CTNNA2: variants seen among roughly 807,000 people sequenced by gnomAD.
The protein encoded by CTNNA2 is catenin alpha-2.
CTNNA2 carries 42 observed loss-of-function variants against 101.0 expected under a neutral mutation model. That is an observed-to-expected ratio of 0.42 (90% CI 0.32 to 0.54). The LOEUF is 0.54. Ranked by LOEUF, CTNNA2 falls within the 20% of genes least tolerant of loss-of-function variation. The probability of loss-of-function intolerance (pLI) is 0.14; values close to 1 mark genes in which losing one functional copy is unlikely to be tolerated. For synonymous variants in CTNNA2, 450 were observed against 456.4 expected (o/e 0.99, Z 0.18); for missense variants, 871 against 1,223.1 (o/e 0.71, Z 4.29).
intron 1 of CTNNA2, among the ~76,000 whole-genome samples, chr2:79,536,686 T>TTTTTTCTTTTCTTTTC (rs71385281): frequency 2.1e-5 from 3 of 139,926 alleles, no homozygotes; most frequent in Non-Finnish European, 4.6e-5. Flanking sequence ...ATGGATTTTT[T>TTTTTTCTTTTCTTTTC]TTTTCTTTTC....
chr2:79,982,270 TATATATA>T (rs1334016311), intron 7 of CTNNA2, among the ~76,000 whole-genome samples: 4 of 128,732 alleles, frequency 3.1e-5, no homozygotes, highest in African/African-American at 1.0e-4. Flanking sequence ...ACACATAACA[TATATATA>T]ATATATATAA....
chr2:80,574,277 G>A lies in CTNNA2; in HGVS notation c.1856G>A (p.Gly619Asp). Residue 619 changes from glycine to aspartate, a missense_variant, in exon 13 of 19, where the codon GGC becomes GAC. Physicochemically the swap from Gly to Asp is moderately conservative, Grantham distance 94. Around this residue, in one of 5 missense-constraint regions of CTNNA2, gnomAD observed 647 missense variants for 831.5 expected, o/e 0.78. Coordinates refer to ENST00000402739, the MANE Select transcript of CTNNA2 (RefSeq NM_001282597.3). Reference protein sequence around the residue: ...FIDASRLVYDGVRDIRKAVLM... With the variant: ...FIDASRLVYDDVRDIRKAVLM... ...GATGCCTCTCGCCTGGTGTATGATG[G>A]CGTTCGGGACATCAGAAAGGCTGTG... 6.2e-7 allele frequency: 1 copy of A among 1,613,340 alleles called. No homozygotes were observed. The highest frequency in any genetic ancestry group is 1.1e-5 in the South Asian group (1 of 91,042).
intron 4 of CTNNA2, among the ~76,000 whole-genome samples, chr2:79,496,118 G>A (rs1671253448): frequency 1.3e-5 from 2 of 152,174 alleles, no homozygotes; most frequent in African/African-American, 4.8e-5. Context: ...GTATTGAATT[G>A]TATACTTTAA....
At chr2:79,905,048 G>A (rs945115075) in intron 6 of CTNNA2, among the ~76,000 whole-genome samples, 5 of 152,194 alleles carry the variant, frequency 3.3e-5, no homozygotes, top group African/African-American at 9.7e-5. Flanking sequence ...CGACTTGAAG[G>A]CAGAATAGGA....
chr2:80,210,478 C>T (rs928656377), intron 7 of CTNNA2, among the ~76,000 whole-genome samples: 1 of 152,050 alleles, frequency 6.6e-6, no homozygotes, highest in African/African-American at 2.4e-5. Flanking sequence ...ATTTTCTGTC[C>T]TTGCGATAGT....
intron 7 of CTNNA2, among the ~76,000 whole-genome samples, chr2:79,950,660 A>G (rs1354397575): frequency 1.3e-5 from 2 of 152,178 alleles, no homozygotes; most frequent in East Asian, 3.9e-4. Context: ...TTGATTTTTG[A>G]GAATTTGTGG....
chr2:79,541,630 AT>A (rs34560865), intron 1 of CTNNA2, among the ~76,000 whole-genome samples: 18,916 of 142,340 alleles, frequency 0.13, 1,257 homozygotes, highest in African/African-American at 0.17. Flanking sequence ...AATCTTCATA[AT>A]TTTTTTTTTT....
chr2:80,296,740 AT>A (rs1299173630), intron 7 of CTNNA2, among the ~76,000 whole-genome samples: 1 of 152,098 alleles, frequency 6.6e-6, no homozygotes, highest in African/African-American at 2.4e-5. Context: ...TCAAATAATT[AT>A]TTGATGTGGG....
intron 4 of CTNNA2, among the ~76,000 whole-genome samples, chr2:79,388,700 T>C (rs1440521917): frequency 6.6e-6 from 1 of 152,182 alleles, no homozygotes; most frequent in African/African-American, 2.4e-5. Flanking sequence ...ATGCAGTTAC[T>C]GACAACTACT....
intron 7 of CTNNA2, among the ~76,000 whole-genome samples, chr2:80,211,639 G>A (rs2149036363): frequency 6.6e-6 from 1 of 152,322 alleles, no homozygotes; most frequent in Non-Finnish European, 1.5e-5. Flanking sequence ...ATAGTTTGAA[G>A]TCAGGTAGCA....
At chr2:80,152,699 T>TA (rs35574251) in intron 7 of CTNNA2, among the ~76,000 whole-genome samples, 220 of 143,882 alleles carry the variant, frequency 1.5e-3, no homozygotes, top group East Asian at 6.7e-3. Flanking sequence ...TTATTGTACT[T>TA]AAAAAAAAAA....
intron 9 of CTNNA2, among the ~76,000 whole-genome samples, chr2:80,472,716 A>T (rs532184070): frequency 1.4e-4 from 22 of 152,176 alleles, no homozygotes; most frequent in African/African-American, 4.6e-4. Context: ...TTCTTGATCT[A>T]GGGTGGGGAG....
At chr2:79,839,089 T>C (rs982216963) in intron 3 of CTNNA2, among the ~76,000 whole-genome samples, 7 of 152,076 alleles carry the variant, frequency 4.6e-5, no homozygotes, top group African/African-American at 1.4e-4. Flanking sequence ...GTACAAAAAG[T>C]AAATTGTAAT....
At chr2:79,764,350 T>C (rs1241266355) in intron 3 of CTNNA2, among the ~76,000 whole-genome samples, 2 of 152,206 alleles carry the variant, frequency 1.3e-5, no homozygotes, top group African/African-American at 4.8e-5. Flanking sequence ...TACAAAACTA[T>C]AGGCAACCTA....
At chr2:80,234,335 T>C (rs1330263056) in intron 7 of CTNNA2, among the ~76,000 whole-genome samples, 1 of 152,198 alleles carries the variant, frequency 6.6e-6, no homozygotes, top group Non-Finnish European at 1.5e-5. Context: ...AAGGGAAATA[T>C]TGCATATAGA....
intron 7 of CTNNA2, among the ~76,000 whole-genome samples, chr2:79,982,408 T>G (rs1198222572): frequency 1.4e-5 from 2 of 144,786 alleles, no homozygotes; most frequent in East Asian, 2.0e-4. Flanking sequence ...ATATAACATA[T>G]AACACATATA....
chr2:79,480,833 T>C (rs1168767150), intron 4 of CTNNA2, among the ~76,000 whole-genome samples: 1 of 152,192 alleles, frequency 6.6e-6, no homozygotes, highest in Non-Finnish European at 1.5e-5. Context: ...CTTAACGTTT[T>C]CCGTGGTTTG....
chr2:79,362,962 CAG>C (rs1360883764), intron 3 of CTNNA2, among the ~76,000 whole-genome samples: 3 of 152,200 alleles, frequency 2.0e-5, no homozygotes, highest in Non-Finnish European at 4.4e-5. Flanking sequence ...GATGAAAAAA[CAG>C]AGTAGAATTT....
chr2:80,138,108 C>G (rs1436089037), intron 7 of CTNNA2, among the ~76,000 whole-genome samples: 1 of 152,128 alleles, frequency 6.6e-6, no homozygotes, highest in Non-Finnish European at 1.5e-5. Flanking sequence ...ATCCTTTGGA[C>G]TCTATTAAAT....
Sources: gnomAD v4.1 joint callset for allele counts (sites outside exome capture counted in the v4.1 genomes callset) on GRCh38, gnomAD v4.1.1 for gene constraint, gnomAD v4.1.1 regional missense constraint, MANE v1.5 for transcripts, NCBI Gene and HGNC (gene_info 2026-07-23, HGNC 2026-07-21) for gene names.